The following SLC24A2 variants were observed in gnomAD, a reference collection of about 807,000 sequenced individuals.
The protein encoded by SLC24A2 is sodium/potassium/calcium exchanger 2.
A neutral mutation model predicts 62.0 loss-of-function variants in SLC24A2; 36 were observed. The ratio of observed to expected loss-of-function variants is 0.58; its 90% CI spans 0.44 to 0.77. The LOEUF (loss-of-function observed/expected upper bound fraction) is 0.77, where lower values mean the gene tolerates loss of function less well. Ranked by LOEUF, SLC24A2 falls within the 30% of genes least tolerant of loss-of-function variation. The pLI is 0.00. For synonymous variants in SLC24A2, 358 were observed against 294.0 expected (o/e 1.22, Z -2.23); for missense variants, 846 against 817.9 (o/e 1.03, Z -0.42).
At chr9:19,556,373 G>C (rs16937603) in intron 7 of SLC24A2, among the ~76,000 whole-genome samples, 16,910 of 152,176 alleles carry the variant, frequency 0.11, 1,004 homozygotes, top group African/African-American at 0.15. Flanking sequence ...GAGGCAACCC[G>C]GTTTCTTATT....
chr9:20,224,148 G>C, the SLC24A2 span, among the ~76,000 whole-genome samples: 1 of 151,884 alleles, frequency 6.6e-6, no homozygotes, highest in South Asian at 2.1e-4. Flanking sequence ...ATGAGATTTG[G>C]GTGGGGACAC....
At chr9:19,607,650 T>C (rs1204273597) in intron 4 of SLC24A2, among the ~76,000 whole-genome samples, 6 of 129,912 alleles carry the variant, frequency 4.6e-5, no homozygotes, top group African/African-American at 1.8e-4. Context: ...ACCCGGGAGG[T>C]GGAGGTGGCA....
chr9:19,592,482 CTA>C (rs1836583194), intron 5 of SLC24A2, among the ~76,000 whole-genome samples: 2 of 42,382 alleles, frequency 4.7e-5, no homozygotes, highest in South Asian at 2.0e-3. Flanking sequence ...ACCGACCTAC[CTA>C]CCTACCTACC....
At chr9:20,127,129 A>G in the SLC24A2 span, among the ~76,000 whole-genome samples, 1 of 150,876 alleles carries the variant, frequency 6.6e-6, no homozygotes, top group Admixed American at 6.6e-5. Context: ...CTTTGTCCAC[A>G]TTTTCTGTTG....
intron 2 of SLC24A2, among the ~76,000 whole-genome samples, chr9:19,674,613 G>C (rs965513785): frequency 6.6e-6 from 1 of 152,070 alleles, no homozygotes; most frequent in Non-Finnish European, 1.5e-5. Context: ...TGAAAACCTT[G>C]TCTTTGAGTT....
chr9:20,301,212 G>A, the SLC24A2 span, among the ~76,000 whole-genome samples: 9,871 of 152,170 alleles, frequency 0.065, 720 homozygotes, highest in East Asian at 0.31. Flanking sequence ...AGAAACATTG[G>A]TTAAAAGTCC....
the SLC24A2 span, among the ~76,000 whole-genome samples, chr9:20,288,039 AAAAC>A: frequency 5.6e-5 from 8 of 141,746 alleles, no homozygotes; most frequent in Admixed American, 1.3e-4. Flanking sequence ...AGTTAGGAAA[AAAAC>A]ACACACACAC....
chr9:19,567,121 T>G (rs1432060653), intron 7 of SLC24A2, among the ~76,000 whole-genome samples: 2 of 142,172 alleles, frequency 1.4e-5, no homozygotes, highest in Non-Finnish European at 3.1e-5. Context: ...AAAAAATATA[T>G]ATATAAAAGA....
the SLC24A2 span, among the ~76,000 whole-genome samples, chr9:19,854,148 C>T: frequency 6.6e-6 from 1 of 152,048 alleles, no homozygotes; most frequent in African/African-American, 2.4e-5. Context: ...TGGTGATATC[C>T]TTTTTTATCA....
chr9:20,239,907 C>T, the SLC24A2 span, among the ~76,000 whole-genome samples: 4 of 144,710 alleles, frequency 2.8e-5, no homozygotes, highest in East Asian at 4.0e-4. Context: ...GGAGTTGATT[C>T]GAACCAGCTG....
At chr9:19,578,348 T>G (rs1418085079) in intron 5 of SLC24A2, among the ~76,000 whole-genome samples, 1 of 108,752 alleles carries the variant, frequency 9.2e-6, no homozygotes, top group South Asian at 3.5e-4. Flanking sequence ...AGTAAATGCA[T>G]GCAATAAGCC....
In SLC24A2 at chr9:19,786,135, G is replaced by A; in HGVS notation, c.732C>T (p.Phe244=). Residue 244 remains phenylalanine, a synonymous_variant, in exon 2 of 11, where the codon TTC becomes TTT. Transcript: ENST00000341998. The surrounding 1 kb of genome is among the most constrained non-coding windows in gnomAD (Gnocchi z 5.0). The part of the protein sequence containing the change: ...TWWPLFRDVS[F]YIVDLIMLII... ...TCAGCATGATCAAGTCAACAATGTAGAAAGACACATCTCGAAAGAGCGGCC... is the reference window on the plus strand; with the variant it reads ...TCAGCATGATCAAGTCAACAATGTAAAAAGACACATCTCGAAAGAGCGGCC... The A allele has an allele frequency of 6.2e-7, 1 of 1,614,180 alleles. No individual in the cohort carries two copies. The highest frequency in any genetic ancestry group is 8.5e-7 in the Non-Finnish European group (1 of 1,180,018).
chr9:20,043,630 A>T, the SLC24A2 span, among the ~76,000 whole-genome samples: 1 of 152,224 alleles, frequency 6.6e-6, no homozygotes, highest in Non-Finnish European at 1.5e-5. Flanking sequence ...GTCACTGCAG[A>T]TGTGGTGGGA....
the SLC24A2 span, among the ~76,000 whole-genome samples, chr9:19,898,556 C>T: frequency 6.6e-6 from 1 of 152,030 alleles, no homozygotes; most frequent in East Asian, 1.9e-4. Context: ...TCCTGGCTAA[C>T]ATGGAGAAAC....
the SLC24A2 span, among the ~76,000 whole-genome samples, chr9:19,809,680 A>G: frequency 9.2e-5 from 14 of 151,984 alleles, no homozygotes; most frequent in African/African-American, 3.4e-4. Context: ...GGGAAAGTTC[A>G]TTTTCATAAT....
At position 19,742,827 on chromosome 9, in the gene SLC24A2, C is replaced by T. The variant is rs142523734; in HGVS notation, c.930+43110G>A. ...GTCTCTCACAGGACATCTGGATCAA[C>T]TGGACTCTAATGGGCCACAAACATA... On this transcript the variant is annotated intron_variant, in intron 2 of 10. Coordinates refer to ENST00000341998, the MANE Select transcript of SLC24A2 (RefSeq NM_020344.4). Among the ~76,000 whole-genome samples, 206 of 152,260 alleles carry T rather than the reference C, an allele frequency of 1.4e-3. 1 individual carries two copies. Among genetic ancestry groups the T allele is most frequent in the Non-Finnish European group, 2.4e-3 (166 of 68,020 alleles).
chr9:20,028,706 A>T, the SLC24A2 span, among the ~76,000 whole-genome samples: 1 of 152,156 alleles, frequency 6.6e-6, no homozygotes, highest in Non-Finnish European at 1.5e-5. Flanking sequence ...AATTTTTGTC[A>T]ATCTCAGGCC....
chr9:20,041,613 C>T, the SLC24A2 span, among the ~76,000 whole-genome samples: 2 of 152,136 alleles, frequency 1.3e-5, no homozygotes, highest in East Asian at 1.9e-4. Context: ...AGAGGAAAGA[C>T]ATGGACCCAA....
intron 5 of SLC24A2, among the ~76,000 whole-genome samples, chr9:19,578,304 GA>G (rs1209645963): frequency 6.7e-6 from 1 of 148,932 alleles, no homozygotes; most frequent in Non-Finnish European, 1.5e-5. Context: ...ACACAAGTGC[GA>G]TGTTTCATTT....
Sources: allele counts gnomAD v4.1 joint callset (sites outside exome capture counted in the v4.1 genomes callset), GRCh38; gene constraint gnomAD v4.1.1; non-coding constraint Gnocchi (gnomAD v3.1); transcripts MANE v1.5; gene names NCBI Gene and HGNC (gene_info 2026-07-23, HGNC 2026-07-21).